The following HHLA2 variants were observed in gnomAD, a reference collection of about 807,000 sequenced individuals.
HHLA2 encodes HHLA2 member of B7 family, also known as HERV-H LTR-associating protein 2.
In HHLA2, 48 loss-of-function variants were observed where a neutral mutation model predicts 45.9. That is an observed-to-expected ratio of 1.05 (90% CI 0.83 to 1.33). HHLA2 has a LOEUF of 1.33. Ranked by LOEUF, HHLA2 falls within the 40% of genes most tolerant of loss-of-function variation. The pLI is 0.00. For missense variants in HHLA2, 462 were observed against 494.3 expected, an observed-to-expected ratio of 0.93 and a Z score of 0.62; for synonymous variants, 161 against 173.9, an observed-to-expected ratio of 0.93 and a Z score of 0.59.
At chr3:108,377,499 T>C in exon 11 of HHLA2, 1 of 529,798 alleles carries the variant, frequency 1.9e-6, no homozygotes, top group Non-Finnish European at 3.5e-6. Context: ...TATAAATGCC[T>C]GGATGTTAAG....
chr3:108,349,406 A>C (rs1173173504), intron 3 of HHLA2, among the ~76,000 whole-genome samples: 1 of 152,034 alleles, frequency 6.6e-6, no homozygotes, highest in African/African-American at 2.4e-5. Context: ...GAAATGGATA[A>C]ATTCCTGGAC....
At chr3:108,325,217 C>G (rs917565021) in intron 2 of HHLA2, among the ~76,000 whole-genome samples, 10 of 152,094 alleles carry the variant, frequency 6.6e-5, no homozygotes, top group Admixed American at 6.5e-4. Flanking sequence ...TAGAAATAAA[C>G]AGCATGGGTG....
chr3:108,354,991 T>G, intron 5 of HHLA2, 124 bp from the exon 5 acceptor site: 1 of 956,354 alleles, frequency 1.0e-6, no homozygotes. Flanking sequence ...TTTCAGTAAC[T>G]GCCAAGTTTT....
At chr3:108,329,103 A>G (rs2081341055) in intron 3 of HHLA2, among the ~76,000 whole-genome samples, 1 of 152,334 alleles carries the variant, frequency 6.6e-6, no homozygotes, top group South Asian at 2.1e-4. Flanking sequence ...CACACACTAT[A>G]GAGGAAATTT....
At position 108,369,053 on chromosome 3, in the gene HHLA2, C is replaced by G. The variant is rs555163253; in HGVS notation, c.1108+6607C>G. 7.6e-4 allele frequency among the ~76,000 whole-genome samples: 116 copies of G among 152,304 alleles called. 1 individual carries two copies. The highest frequency in any genetic ancestry group is 2.6e-3 in the African/African-American group (109 of 41,566). On this transcript the variant is annotated intron_variant, in intron 8 of 10. Coordinates refer to ENST00000619531, the Ensembl canonical transcript of HHLA2. ...AGGCTACAGTGCAATCAAATTAGAA[C>G]TCAGGATTAAGAAACTCACTCAGAA...
chr3:108,353,678 C>T (rs1360071971), exon 5 of HHLA2: 1 of 1,613,684 alleles, frequency 6.2e-7, no homozygotes, highest in Non-Finnish European at 8.5e-7. Context: ...GAATGCGTCG[C>T]TATTTTTCAG....
intron 3 of HHLA2, among the ~76,000 whole-genome samples, chr3:108,337,236 A>G (rs1331907988): frequency 6.6e-6 from 1 of 152,144 alleles, no homozygotes; most frequent in Admixed American, 6.5e-5. Flanking sequence ...TTTGATGTTA[A>G]TTTCATTTTT....
intron 1 of HHLA2, among the ~76,000 whole-genome samples, chr3:108,303,314 A>G (rs1403603740): frequency 6.6e-6 from 1 of 152,214 alleles, no homozygotes; most frequent in African/African-American, 2.4e-5. Context: ...CTATAGCTCA[A>G]CCTCATCTAG....
intron 3 of HHLA2, among the ~76,000 whole-genome samples, chr3:108,342,528 G>A (rs376479161): frequency 2.0e-5 from 3 of 152,088 alleles, no homozygotes; most frequent in African/African-American, 7.2e-5. Context: ...GCCTCCCAAA[G>A]TGCTGGGATT....
chr3:108,328,096 G>C (rs546894170), intron 2 of HHLA2, among the ~76,000 whole-genome samples: 3 of 152,112 alleles, frequency 2.0e-5, no homozygotes, highest in Non-Finnish European at 4.4e-5. Flanking sequence ...TCATGCCACT[G>C]CACTCCAGCC....
chr3:108,367,963 G>A (rs750598148), intron 8 of HHLA2, among the ~76,000 whole-genome samples: 1 of 152,134 alleles, frequency 6.6e-6, no homozygotes, highest in Non-Finnish European at 1.5e-5. Flanking sequence ...AGAGAGAAAG[G>A]TCAGGTTACC....
intron 1 of HHLA2, among the ~76,000 whole-genome samples, chr3:108,304,158 A>G (rs1397586576): frequency 6.6e-6 from 1 of 152,254 alleles, no homozygotes; most frequent in East Asian, 1.9e-4. Flanking sequence ...TGTCAACGCC[A>G]TTGTTTATGT....
chr3:108,299,349 C>G, intron 1 of HHLA2, among the ~76,000 whole-genome samples: 1 of 148,426 alleles, frequency 6.7e-6, no homozygotes. Context: ...AATCATATAA[C>G]TATTATAATA....
At chr3:108,370,032 C>A (rs2082140296) in intron 8 of HHLA2, among the ~76,000 whole-genome samples, 2 of 152,188 alleles carry the variant, frequency 1.3e-5, no homozygotes, top group East Asian at 1.9e-4. Context: ...GGTCCCTGAC[C>A]CCCGAGTGGC....
At chr3:108,333,121 T>G (rs2081414717) in intron 3 of HHLA2, among the ~76,000 whole-genome samples, 1 of 152,194 alleles carries the variant, frequency 6.6e-6, no homozygotes, top group Non-Finnish European at 1.5e-5. Flanking sequence ...CTCAGGCAAC[T>G]GGGCATCTCT....
At chr3:108,302,116 C>T (rs2080860285) in intron 1 of HHLA2, among the ~76,000 whole-genome samples, 1 of 152,054 alleles carries the variant, frequency 6.6e-6, no homozygotes, top group Non-Finnish European at 1.5e-5. Context: ...TTGTGAGTTA[C>T]ATAGATCTGA....
chr3:108,349,691 T>G (rs2081742650), intron 3 of HHLA2, among the ~76,000 whole-genome samples: 1 of 152,168 alleles, frequency 6.6e-6, no homozygotes, highest in Non-Finnish European at 1.5e-5. Flanking sequence ...CAGAGTACAG[T>G]GAAGGGTTTG....
intron 3 of HHLA2, among the ~76,000 whole-genome samples, chr3:108,337,184 T>G (rs776598691): frequency 7.9e-5 from 12 of 152,162 alleles, no homozygotes; most frequent in Non-Finnish European, 1.6e-4. Context: ...GCATTAACAT[T>G]TCTATGCCTA....
At chr3:108,375,859 A>T in intron 9 of HHLA2, 59 bp downstream of exon 8, 1 of 1,585,824 alleles carries the variant, frequency 6.3e-7, no homozygotes. Context: ...CAGTCAAAAG[A>T]TATCGGCAAA....
Sources: allele counts gnomAD v4.1 joint callset (sites outside exome capture counted in the v4.1 genomes callset), GRCh38; gene constraint gnomAD v4.1.1; transcripts MANE v1.5; gene names NCBI Gene and HGNC (gene_info 2026-07-23, HGNC 2026-07-21).